Variants in EMC2 observed in about 807,000 individuals in gnomAD.
EMC2 encodes the protein TPR repeat protein 35.
In EMC2, 37 loss-of-function variants were observed where a neutral mutation model predicts 51.6. The observed-to-expected ratio is 0.72, with a 90% CI of 0.55 to 0.94. The LOEUF (loss-of-function observed/expected upper bound fraction) is 0.94, where lower values mean the gene tolerates loss of function less well. Among genes scored for constraint, EMC2 ranks in the 40% least tolerant of loss-of-function variants. The pLI, the probability that EMC2 is intolerant of heterozygous loss-of-function variation, is 0.00. For missense variants in EMC2, 359 were observed against 350.9 expected (o/e 1.02, Z -0.18); for synonymous variants, 131 against 112.4 (o/e 1.17, Z -1.04).
intron 5 of EMC2, among the ~76,000 whole-genome samples, chr8:108,469,198 A>G (rs957147020): frequency 4.6e-5 from 7 of 152,218 alleles, no homozygotes; most frequent in African/African-American, 1.2e-4. Flanking sequence ...GTGTAGCACA[A>G]TATTGGCAAA....
intron 5 of EMC2, among the ~76,000 whole-genome samples, chr8:108,459,703 TGA>T (rs71303985): frequency 1.1e-4 from 14 of 126,422 alleles, no homozygotes; most frequent in Non-Finnish European, 1.6e-4. Context: ...CCAAGCCATG[TGA>T]GAGAGAGAGA....
intron 5 of EMC2, among the ~76,000 whole-genome samples, chr8:108,465,170 A>C (rs191653998): frequency 8.5e-4 from 130 of 152,350 alleles, no homozygotes; most frequent in African/African-American, 2.8e-3. Context: ...CAGTTGGATG[A>C]AGATTTATTC....
At chr8:108,459,325 G>A (rs1219575382) in intron 5 of EMC2, among the ~76,000 whole-genome samples, 1 of 152,066 alleles carries the variant, frequency 6.6e-6, no homozygotes, top group Non-Finnish European at 1.5e-5. Flanking sequence ...CCACTCTACT[G>A]GTATCAATTT....
At chr8:108,485,495 T>C (rs1811120508) in intron 10 of EMC2, among the ~76,000 whole-genome samples, 1 of 144,168 alleles carries the variant, frequency 6.9e-6, no homozygotes, top group Admixed American at 7.2e-5. Flanking sequence ...ATATAAAATA[T>C]ATACATAATA....
intron 10 of EMC2, among the ~76,000 whole-genome samples, chr8:108,485,947 T>C (rs1268349521): frequency 6.6e-6 from 1 of 151,884 alleles, no homozygotes; most frequent in Non-Finnish European, 1.5e-5. Flanking sequence ...CATAGGTTTT[T>C]ACTTGACAGC....
chr8:108,459,347 C>T (rs528576124), intron 5 of EMC2, among the ~76,000 whole-genome samples: 6 of 152,220 alleles, frequency 3.9e-5, no homozygotes, highest in South Asian at 2.1e-4. Flanking sequence ...CTGTGTTAGT[C>T]GGTTTTCATG....
chr8:108,458,773 T>A (rs1819231057), intron 5 of EMC2, among the ~76,000 whole-genome samples: 1 of 152,194 alleles, frequency 6.6e-6, no homozygotes, highest in South Asian at 2.1e-4. Flanking sequence ...ACATTTTCCC[T>A]TTTGTCTGTG....
intron 7 of EMC2, among the ~76,000 whole-genome samples, chr8:108,471,690 C>G (rs1010336243): frequency 1.3e-5 from 2 of 151,804 alleles, no homozygotes; most frequent in African/African-American, 2.4e-5. Flanking sequence ...CTAATTTACC[C>G]TAGTATTTTT....
chr8:108,456,583 A>G (rs577608427), intron 5 of EMC2, among the ~76,000 whole-genome samples: 3 of 152,260 alleles, frequency 2.0e-5, no homozygotes, highest in Admixed American at 1.3e-4. Context: ...TGCCTTATAC[A>G]TGAATAAGAA....
intron 10 of EMC2, 146 bp from the exon 11 acceptor site, chr8:108,486,366 T>A: frequency 8.2e-7 from 1 of 1,223,192 alleles, no homozygotes; most frequent in African/African-American, 1.5e-5. Context: ...AATTTTATTC[T>A]TATTGAAAAA....
chr8:108,449,889 T>C lies in EMC2; in HGVS notation c.107T>C (p.Val36Ala), dbSNP rs1399613184. 1.3e-6 allele frequency: 2 copies of C among 1,596,456 alleles called. No individual in the cohort carries two copies. Among genetic ancestry groups the C allele is most frequent in the Non-Finnish European group, 1.7e-6 (2 of 1,165,326 alleles). ...AGAAATAGTGAGCAAATTGTGGAAG[T>C]TGGAGAAGAATTAATTAATGAATAT... The part of the protein sequence containing the change: ...NSRNSEQIVE[V>A]GEELINEYAS... The change falls in exon 2 of 11, where the codon GTT becomes GCT. Residue 36 changes from valine to alanine, a missense_variant. Physicochemically the swap from Val to Ala is moderately conservative, Grantham distance 64. Transcript: ENST00000220853.
At chr8:108,464,018 A>C (rs538226249) in intron 5 of EMC2, 2 of 152,388 alleles carry the variant, frequency 1.3e-5, no homozygotes, top group East Asian at 3.9e-4. Flanking sequence ...ATTCCTTATA[A>C]AATCTCTCTC....
chr8:108,455,842 A>G (rs752627217), intron 4 of EMC2, 31 bp from the exon 5 acceptor site: 1 of 795,624 alleles, frequency 1.3e-6, no homozygotes, highest in Non-Finnish European at 2.0e-6. Context: ...TAAGGTAATA[A>G]TTGTAGATGT....
At chr8:108,479,381 A>C (rs1375511644) in intron 10 of EMC2, among the ~76,000 whole-genome samples, 1 of 152,188 alleles carries the variant, frequency 6.6e-6, no homozygotes, top group Non-Finnish European at 1.5e-5. Context: ...TAATTCTAAA[A>C]ACTCAGAAAG....
chr8:108,453,638 TAGGAAC>T (rs1819084213), intron 4 of EMC2, among the ~76,000 whole-genome samples: 1 of 152,168 alleles, frequency 6.6e-6, no homozygotes, highest in African/African-American at 2.4e-5. Flanking sequence ...TTCTAGACAA[TAGGAAC>T]ATTTAAATTA....
At chr8:108,451,839 T>G (rs1013184795) in intron 3 of EMC2, among the ~76,000 whole-genome samples, 1 of 152,222 alleles carries the variant, frequency 6.6e-6, no homozygotes, top group East Asian at 1.9e-4. Context: ...ACAGTTAGCT[T>G]GCTTGACTGA....
At chr8:108,459,721 A>AGTGTGTGTGT (rs1554617756) in intron 5 of EMC2, among the ~76,000 whole-genome samples, 4 of 136,878 alleles carry the variant, frequency 2.9e-5, no homozygotes, top group African/African-American at 1.2e-4. Flanking sequence ...AGAGAGAGAG[A>AGTGTGTGTGT]GTGTGTGTGT....
In EMC2 at chr8:108,476,912, T is replaced by A; in HGVS notation, c.702+20T>A. On this transcript the variant is annotated intron_variant, in intron 9 of 10. Transcript: ENST00000220853. ...TATATGGTGAGTTGAGGTGCATGTT[T>A]AATGTTATTTTTAAAAATCTGTCAC... The A allele has an allele frequency of 8.9e-7, 1 of 1,118,354 alleles. No individual in the cohort carries two copies. Among genetic ancestry groups the A allele is most frequent in the Non-Finnish European group, 1.4e-6 (1 of 731,128 alleles). 69.3% of individuals were successfully genotyped at this position (1,118,354 alleles called of 1,614,324 possible).
intron 1 of EMC2, among the ~76,000 whole-genome samples, chr8:108,449,062 C>G (rs1818950077): frequency 6.6e-6 from 1 of 152,136 alleles, no homozygotes. Context: ...TCCCAGCTAC[C>G]AGTAGTTCTT....
Sources: gnomAD v4.1 joint callset for allele counts (sites outside exome capture counted in the v4.1 genomes callset) on GRCh38, gnomAD v4.1.1 for gene constraint, MANE v1.5 for transcripts, NCBI Gene and HGNC (gene_info 2026-07-23, HGNC 2026-07-21) for gene names.